SYNPO2: variants seen among roughly 807,000 people sequenced by gnomAD.
SYNPO2 encodes synaptopodin-2.
A neutral mutation model predicts 85.0 loss-of-function variants in SYNPO2; 56 were observed. The ratio of observed to expected loss-of-function variants is 0.66; its 90% CI spans 0.53 to 0.82. The LOEUF is 0.82. Ranked by LOEUF, SYNPO2 falls within the 40% of genes least tolerant of loss-of-function variation. The pLI is 0.00. For missense variants in SYNPO2, 1,575 were observed against 1,534.2 expected (o/e 1.03, Z -0.44); for synonymous variants, 602 against 591.1 (o/e 1.02, Z -0.27).
At chr4:118,928,926 T>C (rs1216608804) in intron 1 of SYNPO2, among the ~76,000 whole-genome samples, 1 of 152,176 alleles carries the variant, frequency 6.6e-6, no homozygotes, top group Non-Finnish European at 1.5e-5. Flanking sequence ...ACTTGCTTGA[T>C]TGTAGTACTT....
intron 1 of SYNPO2, among the ~76,000 whole-genome samples, chr4:118,879,908 C>T (rs1413927702): frequency 6.6e-6 from 1 of 152,018 alleles, no homozygotes; most frequent in East Asian, 1.9e-4. Flanking sequence ...AGGCCTGTTG[C>T]CTGTCAGCAG....
chr4:118,879,455 T>C (rs1412472721), intron 1 of SYNPO2, among the ~76,000 whole-genome samples: 3 of 152,186 alleles, frequency 2.0e-5, no homozygotes, highest in African/African-American at 7.2e-5. Flanking sequence ...GTGAATGGAT[T>C]AGTGCCCCTG....
intron 1 of SYNPO2, among the ~76,000 whole-genome samples, chr4:118,945,466 T>A (rs1297673578): frequency 3.9e-5 from 6 of 152,160 alleles, no homozygotes; most frequent in Non-Finnish European, 8.8e-5. Context: ...ATATCTTACC[T>A]GGGAGAAGAA....
intron 1 of SYNPO2, among the ~76,000 whole-genome samples, chr4:118,984,795 T>G (rs1182627701): frequency 6.6e-6 from 1 of 152,226 alleles, no homozygotes; most frequent in Non-Finnish European, 1.5e-5. Flanking sequence ...ATGACTGTTC[T>G]TATCTTTGTA....
At chr4:118,943,784 T>G (rs1379521413) in intron 1 of SYNPO2, among the ~76,000 whole-genome samples, 1 of 152,234 alleles carries the variant, frequency 6.6e-6, no homozygotes, top group Admixed American at 6.5e-5. Context: ...AATCTGACTC[T>G]AAAGGCAATT....
chr4:119,041,557 A>G (rs942647166), intron 4 of SYNPO2, among the ~76,000 whole-genome samples: 1 of 152,170 alleles, frequency 6.6e-6, no homozygotes, highest in African/African-American at 2.4e-5. Flanking sequence ...GCAGATCATA[A>G]TTCTTCACGT....
rs61529635 is a variant in SYNPO2 at position 119,057,641 on chromosome 4, C to G, written c.3493C>G (p.Arg1165Gly). ...TGTGGCAAATGTGGTTTCAGCAGCT[C>G]GGAGGAAGGTGCTTCCAGGGCCTCC... Reference protein sequence around the residue: ...SIVANVVSAARRKVLPGPPED... With the variant: ...SIVANVVSAAGRKVLPGPPED... Residue 1165 changes from arginine to glycine, a missense_variant, in exon 5 of 5, where the codon CGG becomes GGG. Coordinates refer to ENST00000307142, the MANE Select transcript of SYNPO2 (RefSeq NM_133477.3). 3.1e-6 allele frequency: 5 copies of G among 1,614,060 alleles called. No individual in the cohort carries two copies. Among genetic ancestry groups the G allele is most frequent in the Non-Finnish European group, 2.5e-6 (3 of 1,180,006 alleles).
intron 4 of SYNPO2, chr4:119,035,417 A>G: frequency 1.0e-6 from 1 of 985,418 alleles, no homozygotes; most frequent in Non-Finnish European, 1.2e-6. Context: ...TAGAATATTT[A>G]TCATTTTGAC....
chr4:118,954,323 T>G (rs917777642), intron 1 of SYNPO2, among the ~76,000 whole-genome samples: 1 of 152,186 alleles, frequency 6.6e-6, no homozygotes, highest in Non-Finnish European at 1.5e-5. Context: ...TTTCTCGCTC[T>G]TTCTTTTTTT....
chr4:118,998,654 T>G (rs1736708420), intron 1 of SYNPO2, among the ~76,000 whole-genome samples: 1 of 152,350 alleles, frequency 6.6e-6, no homozygotes, highest in East Asian at 1.9e-4. Context: ...GTTTCAGCTG[T>G]GTCAGTTGCT....
intron 1 of SYNPO2, among the ~76,000 whole-genome samples, chr4:119,015,775 G>A (rs1047735375): frequency 5.3e-5 from 8 of 152,092 alleles, no homozygotes; most frequent in South Asian, 2.1e-4. Flanking sequence ...TATTTTACTC[G>A]AATAGAGCAG....
chr4:118,935,422 G>A (rs1299080656), intron 1 of SYNPO2, among the ~76,000 whole-genome samples: 1 of 152,160 alleles, frequency 6.6e-6, no homozygotes, highest in Non-Finnish European at 1.5e-5. Context: ...TGGACCTGAT[G>A]TTTGATTTTT....
At chr4:119,040,354 C>G (rs1340140431) in intron 4 of SYNPO2, among the ~76,000 whole-genome samples, 1 of 152,074 alleles carries the variant, frequency 6.6e-6, no homozygotes, top group Admixed American at 6.6e-5. Flanking sequence ...AAATCTATTC[C>G]CAGGAGTCGT....
chr4:119,032,742 G>A (rs545284835), intron 4 of SYNPO2: 24 of 904,058 alleles, frequency 2.7e-5, no homozygotes, highest in African/African-American at 3.6e-5. Context: ...AAATGGGGCC[G>A]GGTATGGTGG....
intron 4 of SYNPO2, chr4:119,037,521 G>T (rs1482638602): frequency 1.2e-4 from 119 of 1,000,704 alleles, no homozygotes; most frequent in Non-Finnish European, 1.4e-4. Flanking sequence ...CTTTTATTTG[G>T]TGCAATAATC....
At chr4:118,868,443 A>C (rs927365185) in intron 1 of SYNPO2, among the ~76,000 whole-genome samples, 1 of 152,200 alleles carries the variant, frequency 6.6e-6, no homozygotes, top group Non-Finnish European at 1.5e-5. Flanking sequence ...GAAATTTTAC[A>C]GATATTTGGC....
intron 1 of SYNPO2, among the ~76,000 whole-genome samples, chr4:118,939,963 G>T (rs1249475468): frequency 8.8e-5 from 13 of 147,682 alleles, no homozygotes; most frequent in Admixed American, 8.3e-4. Context: ...TAGCCTTTTA[G>T]CCCTTTCTCT....
chr4:118,970,097 AAATGTACTTGT>A, intron 1 of SYNPO2, among the ~76,000 whole-genome samples: 1 of 152,332 alleles, frequency 6.6e-6, no homozygotes, highest in Non-Finnish European at 1.5e-5. Context: ...GCCTTCTTGG[AAATGTACTTGT>A]AATTTGTACT....
At position 119,057,447 on chromosome 4, in the gene SYNPO2, C is replaced by A; in HGVS notation, c.3299C>A (p.Pro1100His). The change falls in exon 5 of 5, where the codon CCC (proline) becomes CAC (histidine). Residue 1100 changes from proline (P) to histidine (H), a missense_variant. Around this residue, in one of 3 missense-constraint regions of SYNPO2, gnomAD observed 1,508 missense variants for 1,446.8 expected, o/e 1.04. Transcript: ENST00000307142. ...CTTCCTGGAAGATCAGTCCCACCCCCCATTTCTACATCTCCTTGGGTATAC... is the reference window on the plus strand; with the variant it reads ...CTTCCTGGAAGATCAGTCCCACCCCACATTTCTACATCTCCTTGGGTATAC... ...LSLPGRSVPP[P>H]ISTSPWVYQP... 6.2e-7 allele frequency: 1 copy of A among 1,613,384 alleles called. No homozygotes were observed. The highest frequency in any genetic ancestry group is 8.5e-7 in the Non-Finnish European group (1 of 1,179,782).
Sources: allele counts gnomAD v4.1 joint callset (sites outside exome capture counted in the v4.1 genomes callset), GRCh38; gene constraint gnomAD v4.1.1; regional missense constraint gnomAD v4.1.1; transcripts MANE v1.5; gene names NCBI Gene and HGNC (gene_info 2026-07-23, HGNC 2026-07-21).